IKZF2: variants seen among roughly 807,000 people sequenced by gnomAD.
The protein encoded by IKZF2 is IKAROS family zinc finger 2.
In IKZF2, 15 loss-of-function variants were observed where a neutral mutation model predicts 49.2. The observed-to-expected ratio is 0.30, with a 90% CI of 0.20 to 0.47. The LOEUF (loss-of-function observed/expected upper bound fraction) is 0.47. IKZF2 is among the 20% of genes least tolerant of loss of function. IKZF2 has a pLI of 1.00. For synonymous variants in IKZF2, 227 were observed against 221.4 expected (o/e 1.03, Z -0.23); for missense variants, 567 against 664.6 (o/e 0.85, Z 1.61).
At chr2:213,115,283 G>A (rs919385910) in intron 4 of IKZF2, among the ~76,000 whole-genome samples, 1 of 151,688 alleles carries the variant, frequency 6.6e-6, no homozygotes, top group African/African-American at 2.4e-5. Flanking sequence ...ATCCTAATTT[G>A]AGGTATGAGG....
chr2:213,082,792 T>G (rs1263013821), intron 4 of IKZF2, among the ~76,000 whole-genome samples: 1 of 152,206 alleles, frequency 6.6e-6, no homozygotes, highest in East Asian at 1.9e-4. Flanking sequence ...TAAATTTCAC[T>G]GACAATTTTT....
chr2:213,086,411 T>A lies in IKZF2; in HGVS notation c.140-29312A>T, dbSNP rs191213217. On this transcript the variant is annotated intron_variant, in intron 4 of 8. Transcript: ENST00000434687. ...TAACAATGCAAAATAATATATGATA[T>A]GATGTATGATTTACAAAAAACAGAC... 2.6e-5 allele frequency among the ~76,000 whole-genome samples: 4 copies of A among 152,280 alleles called. No homozygotes were observed. In the East Asian group the frequency reaches 7.7e-4, roughly 29 times the overall value.
intron 4 of IKZF2, among the ~76,000 whole-genome samples, chr2:213,115,841 G>A (rs1371772219): frequency 6.6e-6 from 1 of 151,790 alleles, no homozygotes; most frequent in East Asian, 1.9e-4. Flanking sequence ...ATAAATACTT[G>A]GATTTTATTT....
chr2:213,090,471 G>A (rs989533514), intron 4 of IKZF2, among the ~76,000 whole-genome samples: 6 of 151,992 alleles, frequency 3.9e-5, no homozygotes, highest in African/African-American at 1.5e-4. Flanking sequence ...CACTTACTTT[G>A]GCATTCACAT....
chr2:213,058,780 A>G (rs922916354), intron 4 of IKZF2, among the ~76,000 whole-genome samples: 2 of 151,904 alleles, frequency 1.3e-5, no homozygotes, highest in African/African-American at 4.8e-5. Flanking sequence ...ATTGCTTTAA[A>G]CTTGCTTTGT....
intron 4 of IKZF2, among the ~76,000 whole-genome samples, chr2:213,143,573 C>T (rs752577765): frequency 2.0e-5 from 3 of 151,428 alleles, no homozygotes; most frequent in Non-Finnish European, 4.4e-5. Context: ...CCCTAATAAA[C>T]AAGAACTAAA....
At chr2:213,121,491 G>A (rs1229301938) in intron 4 of IKZF2, among the ~76,000 whole-genome samples, 2 of 152,178 alleles carry the variant, frequency 1.3e-5, no homozygotes, top group African/African-American at 2.4e-5. Flanking sequence ...TGTGGAAGCT[G>A]GAGTTCTGAA....
chr2:213,077,400 T>G (rs1439086534), intron 4 of IKZF2, among the ~76,000 whole-genome samples: 1 of 152,132 alleles, frequency 6.6e-6, no homozygotes, highest in Non-Finnish European at 1.5e-5. Flanking sequence ...TAATTTATAT[T>G]AAACCACTGC....
intron 4 of IKZF2, among the ~76,000 whole-genome samples, chr2:213,078,787 A>G (rs1574754698): frequency 6.6e-6 from 1 of 152,158 alleles, no homozygotes; most frequent in Non-Finnish European, 1.5e-5. Context: ...CACCATATAG[A>G]AAGAAATTCT....
chr2:213,010,315 G>A (rs563727285), intron 8 of IKZF2, among the ~76,000 whole-genome samples: 50 of 152,156 alleles, frequency 3.3e-4, no homozygotes, highest in African/African-American at 1.1e-3. Flanking sequence ...GAAGGGGATG[G>A]GTCAAAAATA....
intron 4 of IKZF2, chr2:213,081,060 G>T (rs1703896081): frequency 6.5e-6 from 1 of 154,654 alleles, no homozygotes; most frequent in African/African-American, 2.4e-5. Context: ...CATGTATTAA[G>T]TTAGGTCTGT....
At chr2:213,141,369 AC>A (rs1276810866) in intron 4 of IKZF2, among the ~76,000 whole-genome samples, 2 of 152,054 alleles carry the variant, frequency 1.3e-5, no homozygotes, top group Admixed American at 1.3e-4. Context: ...GAAGTCACCT[AC>A]TTCGTTAAAA....
chr2:213,100,342 A>T (rs1316716022), intron 4 of IKZF2, among the ~76,000 whole-genome samples: 3 of 152,062 alleles, frequency 2.0e-5, no homozygotes, highest in African/African-American at 7.2e-5. Context: ...ATTAAGTAGG[A>T]CTACTATAAA....
chr2:213,044,730 A>G (rs1699989026), intron 6 of IKZF2, among the ~76,000 whole-genome samples: 1 of 152,206 alleles, frequency 6.6e-6, no homozygotes, highest in Admixed American at 6.5e-5. Flanking sequence ...GGCAAAATAC[A>G]AGAAAGTTTA....
At chr2:213,133,769 C>G (rs966428691) in intron 4 of IKZF2, among the ~76,000 whole-genome samples, 1 of 151,688 alleles carries the variant, frequency 6.6e-6, no homozygotes, top group Non-Finnish European at 1.5e-5. Context: ...ATGCTAAGTA[C>G]TATCAAAAAG....
At chr2:213,144,953 C>T (rs1161429371) in intron 4 of IKZF2, among the ~76,000 whole-genome samples, 1 of 151,826 alleles carries the variant, frequency 6.6e-6, no homozygotes, top group Non-Finnish European at 1.5e-5. Flanking sequence ...GTCACCAGTG[C>T]TCTATTCTAG....
intron 4 of IKZF2, among the ~76,000 whole-genome samples, chr2:213,064,945 G>T (rs1225422997): frequency 6.6e-6 from 1 of 151,958 alleles, no homozygotes; most frequent in Non-Finnish European, 1.5e-5. Flanking sequence ...TTCAAGAACT[G>T]CCTACTGCCT....
Position 213,007,586 on chromosome 2 carries a change from C to G in IKZF2, c.1355G>C (p.Gly452Ala). ...KALDTTKAPKGSLKDIYKVFN... is the reference protein window; with the variant it reads ...KALDTTKAPKASLKDIYKVFN... Reference sequence around the variant, plus strand: ...GACCTTGTAGATGTCCTTCAGAGAGCCCTTAGGAGCCTTGGTAGTATCCAA... The same window carrying G: ...GACCTTGTAGATGTCCTTCAGAGAGGCCTTAGGAGCCTTGGTAGTATCCAA... The change falls in exon 9 of 9, where the codon GGC (glycine) becomes GCC (alanine). Residue 452 changes from glycine (G) to alanine (A), a missense_variant. Around this residue, in one of 5 missense-constraint regions of IKZF2, gnomAD observed 310 missense variants for 326.9 expected, o/e 0.95. Transcript: ENST00000434687. 3 of 1,613,692 alleles carry G rather than the reference C, an allele frequency of 1.9e-6. No homozygotes were observed. Among genetic ancestry groups the G allele is most frequent in the East Asian group, 4.5e-5 (2 of 44,854 alleles).
chr2:213,141,630 G>A (rs556486757), intron 4 of IKZF2, among the ~76,000 whole-genome samples: 65 of 151,746 alleles, frequency 4.3e-4, no homozygotes, highest in African/African-American at 1.4e-3. Flanking sequence ...AATAAGTCTC[G>A]GCTCAAGCAG....
Sources: allele counts gnomAD v4.1 joint callset (sites outside exome capture counted in the v4.1 genomes callset), GRCh38; gene constraint gnomAD v4.1.1; regional missense constraint gnomAD v4.1.1; transcripts MANE v1.5; gene names NCBI Gene and HGNC (gene_info 2026-07-23, HGNC 2026-07-21).